ANAPC5: variants seen among roughly 807,000 people sequenced by gnomAD.
ANAPC5 encodes anaphase promoting complex subunit 5, also known as anaphase-promoting complex subunit 5.
Under a neutral mutation model 91.3 loss-of-function variants are expected in ANAPC5, and 60 were observed. The ratio of observed to expected loss-of-function variants is 0.66; its 90% CI spans 0.53 to 0.81. ANAPC5 has a LOEUF of 0.81. Ranked by LOEUF, ANAPC5 falls within the 40% of genes least tolerant of loss-of-function variation. The probability of loss-of-function intolerance (pLI) is 0.00; values close to 1 mark genes in which losing one functional copy is unlikely to be tolerated. For missense variants in ANAPC5, 690 were observed against 931.5 expected (o/e 0.74, Z 3.37); for synonymous variants, 340 against 364.1 (o/e 0.93, Z 0.75).
chr12:121,317,253 C>CTT (rs763895505), intron 15 of ANAPC5, among the ~76,000 whole-genome samples: 8 of 140,976 alleles, frequency 5.7e-5, no homozygotes, highest in Admixed American at 7.2e-5. Flanking sequence ...GTGTTACATA[C>CTT]TTTTTTTTTT....
chr12:121,326,973 T>C (rs1902843498), intron 11 of ANAPC5, 123 bp downstream of exon 11: 1 of 1,321,630 alleles, frequency 7.6e-7, no homozygotes, highest in African/African-American at 1.5e-5. Context: ...GATTTCACTC[T>C]TTCAGCCACA....
In ANAPC5 at chr12:121,309,939, G is replaced by C. The variant is rs1490073526; in HGVS notation, c.1894-76C>G. The C allele has an allele frequency of 9.9e-6, 14 of 1,413,572 alleles. No homozygotes were observed. In the Admixed American group the frequency reaches 2.7e-4, roughly 28 times the overall value. 87.6% of individuals were successfully genotyped at this position (1,413,572 alleles called of 1,614,324 possible). A position where few individuals can be genotyped will look rare whatever the true frequency, so the allele number is the denominator to read the frequency against. Reference sequence around the variant, plus strand: ...ACCAGGAAGCGTTTCATTTCTGGCAGTTCTCTCCTGAATGGCTATCTCTGG... The same window carrying C: ...ACCAGGAAGCGTTTCATTTCTGGCACTTCTCTCCTGAATGGCTATCTCTGG... On this transcript the variant is annotated intron_variant, in intron 15 of 16. Transcript: ENST00000261819.
chr12:121,352,948 G>A (rs1903968586), upstream of ANAPC5, among the ~76,000 whole-genome samples: 2 of 151,988 alleles, frequency 1.3e-5, no homozygotes, highest in Non-Finnish European at 2.9e-5. Context: ...TTAAATGATT[G>A]TGTTTAAAAG....
At position 121,318,310 on chromosome 12, in the gene ANAPC5, G is replaced by A. The variant is rs989722407; in HGVS notation, c.1860C>T (p.Ala620=). The change falls in exon 15 of 17, where the codon GCC becomes GCT. Residue 620 remains alanine, a synonymous_variant. Transcript: ENST00000261819. ...LSKEYRLQYL[A]SETVLNLAFA... is the part of the protein sequence containing the mutation. ...AAGCCAAGTTCAGCACTGTTTCAGAGGCCAAGTACTGTAACCGGTACTCCT... is the reference window on the plus strand; with the variant it reads ...AAGCCAAGTTCAGCACTGTTTCAGAAGCCAAGTACTGTAACCGGTACTCCT... 10 of 1,578,864 alleles carry A rather than the reference G, an allele frequency of 6.3e-6. No homozygotes were observed. Among genetic ancestry groups the A allele is most frequent in the Non-Finnish European group, 7.7e-6 (9 of 1,166,118 alleles).
At chr12:121,332,697 G>T (rs1196586068) in intron 7 of ANAPC5, 2 of 151,822 alleles carry the variant, frequency 1.3e-5, no homozygotes, top group Admixed American at 6.6e-5. Flanking sequence ...AAGTGACAAA[G>T]ATTTACACAG....
chr12:121,336,625 A>G (rs1272013530), intron 6 of ANAPC5, among the ~76,000 whole-genome samples: 1 of 152,188 alleles, frequency 6.6e-6, no homozygotes, highest in East Asian at 1.9e-4. Flanking sequence ...GGTTGCAGTG[A>G]GCCAAGATCG....
rs1417045320 is a variant in ANAPC5, at chr12:121,347,684, G to T, written c.287+118C>A. ...AAACAGAATTAAGTAAAGGCTCTTGGGAAAACAACCTAGGGTAATAAAGGT... is the reference window on the plus strand; with the variant it reads ...AAACAGAATTAAGTAAAGGCTCTTGTGAAAACAACCTAGGGTAATAAAGGT... On this transcript the variant is annotated intron_variant, in intron 2 of 16. Coordinates refer to ENST00000261819, the MANE Select transcript of ANAPC5 (RefSeq NM_016237.5). 16 of 761,292 alleles carry T rather than the reference G, an allele frequency of 2.1e-5. No homozygotes were observed. In the East Asian group the frequency reaches 4.0e-4, roughly 19 times the overall value. The allele number at this position is 761,292 out of a possible 1,614,324, so 47.2% of individuals were successfully genotyped here. A position where few individuals can be genotyped will look rare whatever the true frequency, so the allele number is the denominator to read the frequency against.
chr12:121,308,735 T>A lies in ANAPC5; in HGVS notation c.2057-44A>T. Reference sequence around the variant, plus strand: ...TAACACACACATTTAACTCAACCCTTCACGTATAGTTTTCAAAACGTGGTA... The same window carrying A: ...TAACACACACATTTAACTCAACCCTACACGTATAGTTTTCAAAACGTGGTA... On this transcript the variant is annotated intron_variant, in intron 16 of 16. Transcript: ENST00000261819. The A allele has an allele frequency of 5.4e-6, 8 of 1,476,522 alleles. 1 individual carries two copies. The highest frequency in any genetic ancestry group is 7.6e-6 in the Non-Finnish European group (8 of 1,055,712). The allele number at this position is 1,476,522 out of a possible 1,614,324, so 91.5% of individuals were successfully genotyped here. A position where few individuals can be genotyped will look rare whatever the true frequency, so the allele number is the denominator to read the frequency against.
At chr12:121,353,696 T>C (rs957314834), upstream of ANAPC5, among the ~76,000 whole-genome samples, 1 of 152,098 alleles carries the variant, frequency 6.6e-6, no homozygotes, top group Non-Finnish European at 1.5e-5. Flanking sequence ...CGCCTCGGCC[T>C]CCCAAAGTGC....
chr12:121,342,088 C>CA lies in ANAPC5; in HGVS notation c.591-20dup. The CA allele has an allele frequency of 6.5e-7, 1 of 1,549,918 alleles. No individual in the cohort carries two copies. Among genetic ancestry groups the CA allele is most frequent in the Non-Finnish European group, 8.8e-7 (1 of 1,140,224 alleles). The stretch of plus-strand genomic sequence containing the variant: ...CTCTTCTCTGGAAAAAATAAAAAAA[C>CA]AAAAATAGTAAAGAATTACACAAAA... On this transcript the variant is annotated intron_variant, in intron 4 of 16. Transcript: ENST00000261819. The surrounding 1 kb of genome is among the most constrained non-coding windows in gnomAD (Gnocchi z 4.1).
chr12:121,335,464 C>T (rs1450183729), intron 7 of ANAPC5, 69 bp downstream of exon 7: 9 of 1,506,992 alleles, frequency 6.0e-6, no homozygotes, highest in Non-Finnish European at 8.0e-6. Context: ...CCGCACCAGG[C>T]CAAACAGCAG....
intron 6 of ANAPC5, among the ~76,000 whole-genome samples, 165 bp downstream of exon 6, chr12:121,337,126 G>A (rs755711423): frequency 9.8e-5 from 15 of 152,298 alleles, no homozygotes; most frequent in Non-Finnish European, 1.8e-4. Flanking sequence ...GCTGAGGCAG[G>A]AGAATCACTT....
At chr12:121,329,147 GT>G (rs1427977079) in intron 9 of ANAPC5, 1 of 152,318 alleles carries the variant, frequency 6.6e-6, no homozygotes, top group Non-Finnish European at 1.5e-5. Flanking sequence ...CTACAGATTT[GT>G]TTTTTGGTTT....
chr12:121,325,810 T>G (rs112455670), intron 11 of ANAPC5, among the ~76,000 whole-genome samples: 7,485 of 152,206 alleles, frequency 0.049, 431 homozygotes, highest in East Asian at 0.14. Context: ...GAGGTTGCAG[T>G]GAGCTGAGAT....
intron 5 of ANAPC5, among the ~76,000 whole-genome samples, chr12:121,339,389 T>G (rs1234913956): frequency 6.6e-6 from 1 of 152,138 alleles, no homozygotes; most frequent in Non-Finnish European, 1.5e-5. Context: ...AAATCTAAAC[T>G]TTCACTGTCA....
chr12:121,335,667 G>A lies in ANAPC5; in HGVS notation c.816C>T (p.His272=). 6.2e-7 allele frequency: 1 copy of A among 1,613,744 alleles called. No homozygotes were observed. Among genetic ancestry groups the A allele is most frequent in the Non-Finnish European group, 8.5e-7 (1 of 1,179,650 alleles). The change falls in exon 7 of 17, where the codon CAC becomes CAT. Residue 272 remains histidine, a synonymous_variant. Coordinates refer to ENST00000261819, the MANE Select transcript of ANAPC5 (RefSeq NM_016237.5). ...GACGATCAAAATAATGGAGGAGACT[G>A]TGTGTTGAACTGAAAACATCTTGGA... The part of the protein sequence containing the change: ...LRVQDVFSST[H]SLLHYFDRLI...
At chr12:121,309,450 G>T (rs974244051) in intron 16 of ANAPC5, among the ~76,000 whole-genome samples, 61 of 151,690 alleles carry the variant, frequency 4.0e-4, no homozygotes, top group African/African-American at 1.4e-3. Flanking sequence ...AAAAAAAAAA[G>T]TCTTTAACTC....
chr12:121,318,435 A>C lies in ANAPC5; in HGVS notation c.1746-11T>G. 1 of 1,610,752 alleles carries C rather than the reference A, an allele frequency of 6.2e-7. No homozygotes were observed. Among genetic ancestry groups the C allele is most frequent in the Non-Finnish European group, 8.5e-7 (1 of 1,177,740 alleles). On this transcript the variant is annotated splice_polypyrimidine_tract_variant and intron_variant, in intron 14 of 16. Coordinates refer to ENST00000261819, the MANE Select transcript of ANAPC5 (RefSeq NM_016237.5). ...ACGGACAGTAGGACACTGACCGTAA[A>C]GAGGAAAACACAGGATGAGAAGATC... is the stretch of plus-strand genomic sequence containing the variant.
intron 11 of ANAPC5, 27 bp from the exon 12 acceptor site, chr12:121,320,486 A>C: frequency 6.2e-7 from 1 of 1,607,046 alleles, no homozygotes; most frequent in East Asian, 2.2e-5. Flanking sequence ...CAATTTGATC[A>C]GCATAACCTG....
Sources: allele counts gnomAD v4.1 joint callset (sites outside exome capture counted in the v4.1 genomes callset), GRCh38; gene constraint gnomAD v4.1.1; non-coding constraint Gnocchi (gnomAD v3.1); transcripts MANE v1.5; gene names NCBI Gene and HGNC (gene_info 2026-07-23, HGNC 2026-07-21).